Variants in DMD observed in about 807,000 individuals in gnomAD.
DMD encodes mutant dystrophin.
In DMD, 63 loss-of-function variants were observed where a neutral mutation model predicts 330.1. The ratio of observed to expected loss-of-function variants is 0.19; its 90% CI spans 0.16 to 0.24. The LOEUF (loss-of-function observed/expected upper bound fraction) is 0.24, where lower values mean the gene tolerates loss of function less well. DMD is among the 10% of genes least tolerant of loss of function. The pLI, the probability that DMD is intolerant of heterozygous loss-of-function variation, is 1.00. For synonymous variants in DMD, 1,223 were observed against 959.8 expected, an observed-to-expected ratio of 1.27 and a Z score of -5.07; for missense variants, 3,344 against 2,684.1, an observed-to-expected ratio of 1.25 and a Z score of -5.43.
intron 1 of DMD, among the ~76,000 whole-genome samples, chrX:33,205,100 G>A (rs2148842236): frequency 8.9e-6 from 1 of 112,370 alleles, no homozygotes; most frequent in South Asian, 3.7e-4. Context: ...TCCCGTAAGC[G>A]ATTTTAGTTA....
At chrX:32,770,183 A>G (rs1049433236) in intron 7 of DMD, among the ~76,000 whole-genome samples, 7 of 111,937 alleles carry the variant, frequency 6.3e-5, no homozygotes, top group Non-Finnish European at 1.1e-4. Flanking sequence ...TATTAACAAG[A>G]GAATGACATG....
intron 1 of DMD, among the ~76,000 whole-genome samples, chrX:33,057,010 G>A (rs2094525881): frequency 9.0e-6 from 1 of 111,388 alleles, no homozygotes; most frequent in Non-Finnish European, 1.9e-5. Flanking sequence ...AAGGCTGAGA[G>A]CAATGGCAAC....
chrX:33,028,704 CCTT>C (rs1362824621), intron 1 of DMD, among the ~76,000 whole-genome samples: 1 of 112,351 alleles, frequency 8.9e-6, no homozygotes, highest in Non-Finnish European at 1.9e-5. Context: ...ATCAATCAAT[CCTT>C]CTGATATATA....
chrX:32,263,667 C>T (rs904106379), intron 43 of DMD, among the ~76,000 whole-genome samples: 3 of 111,722 alleles, frequency 2.7e-5, no homozygotes, highest in Admixed American at 1.9e-4. Context: ...TTTTCACTAT[C>T]TAAAGACATG....
rs760586686 is a variant in DMD at position 32,574,434 on chromosome X, T to A, written c.1603-588A>T. Among the ~76,000 whole-genome samples, 14 of 112,106 alleles carry A rather than the reference T, an allele frequency of 1.2e-4. No homozygotes were observed. In the South Asian group the frequency reaches 1.5e-3, roughly 12 times the overall value. ...AAACTAACAATCTCTGAGTAAAAAC[T>A]ACTATATCATTAACATGTCACTAAT... On this transcript the variant is annotated intron_variant, in intron 13 of 78. Transcript: ENST00000357033.
intron 44 of DMD, among the ~76,000 whole-genome samples, chrX:32,042,190 T>C (rs4829240): frequency 0.06 from 5,003 of 82,918 alleles, 378 homozygotes; most frequent in African/African-American, 0.21. Flanking sequence ...TACATACATA[T>C]ACACACACAC....
intron 56 of DMD, among the ~76,000 whole-genome samples, chrX:31,499,044 TG>T: frequency 8.9e-6 from 1 of 111,758 alleles, no homozygotes; most frequent in South Asian, 3.8e-4. Flanking sequence ...ATTCACAGCT[TG>T]GTCCCTTTGA....
intron 51 of DMD, among the ~76,000 whole-genome samples, chrX:31,766,902 T>TGTGTGTGTGTGTG (rs58442587): frequency 2.7e-5 from 3 of 110,309 alleles, no homozygotes; most frequent in Admixed American, 9.7e-5. Context: ...TGTGTGTGTG[T>TGTGTGTGTGTGTG]TTGCAACTCT....
rs140726722 is a variant in DMD at position 33,179,201 on chromosome X, T to C, written c.31+32081A>G. Among the ~76,000 whole-genome samples the C allele has an allele frequency of 3.5e-3, 393 of 111,724 alleles. 3 individuals are homozygous for C. Among genetic ancestry groups the C allele is most frequent in the African/African-American group, 0.012 (368 of 30,737 alleles). The stretch of plus-strand genomic sequence containing the variant: ...CAGATTTGAAATCAGATGACAAACA[T>C]GTACTTTCAAAGCATGAACATTTGA... On this transcript the variant is annotated intron_variant, in intron 1 of 78. Coordinates refer to ENST00000357033, the MANE Select transcript of DMD (RefSeq NM_004006.3).
chrX:31,592,522 T>A (rs1228058223), intron 55 of DMD, among the ~76,000 whole-genome samples: 2 of 105,433 alleles, frequency 1.9e-5, no homozygotes, highest in Non-Finnish European at 3.9e-5. Flanking sequence ...GAAAAGTGTC[T>A]CACACACACA....
chrX:33,231,928 C>G (rs190519632), intron 1 of DMD, among the ~76,000 whole-genome samples: 169 of 111,114 alleles, frequency 1.5e-3, no homozygotes, highest in African/African-American at 5.3e-3. Flanking sequence ...GACTACTCGG[C>G]AAGGGAGCTA....
chrX:32,754,162 C>A (rs1258016374), intron 7 of DMD, among the ~76,000 whole-genome samples: 1 of 98,679 alleles, frequency 1.0e-5, no homozygotes, highest in East Asian at 2.8e-4. Context: ...TACCAAGCAC[C>A]TTTTTAAATA....
At chrX:31,603,985 G>C (rs956733882) in intron 55 of DMD, among the ~76,000 whole-genome samples, 7 of 112,290 alleles carry the variant, frequency 6.2e-5, no homozygotes, top group Non-Finnish European at 1.1e-4. Context: ...CCCTTCCTGG[G>C]AAATGCTGAC....
At chrX:32,144,918 C>T (rs1569546771) in intron 44 of DMD, among the ~76,000 whole-genome samples, 1 of 110,605 alleles carries the variant, frequency 9.0e-6, no homozygotes, top group Non-Finnish European at 1.9e-5. Flanking sequence ...TCTGTAATCC[C>T]AGCTACTAGG....
Position 31,348,459 on chromosome X carries a change from A to G in DMD, c.9163+97T>C, listed in dbSNP as rs559035339. On this transcript the variant is annotated intron_variant, in intron 61 of 78. Coordinates refer to ENST00000357033, the MANE Select transcript of DMD (RefSeq NM_004006.3). Reference sequence around the variant, plus strand: ...CTTCTACTGCATCTGATAAAAGATTACTATAATTCAACTCTTAATTCTTTT... The same window carrying G: ...CTTCTACTGCATCTGATAAAAGATTGCTATAATTCAACTCTTAATTCTTTT... 2.4e-4 allele frequency: 177 copies of G among 741,384 alleles called. No individual in the cohort carries two copies. The East Asian group carries it at 6.2e-3, about 26-fold the overall frequency. The allele number at this position is 741,384 out of a possible 1,213,427, so 61.1% of individuals were successfully genotyped here. A position where few individuals can be genotyped will look rare whatever the true frequency, so the allele number is the denominator to read the frequency against.
chrX:31,745,019 A>C (rs757817323), intron 51 of DMD, among the ~76,000 whole-genome samples: 180 of 111,798 alleles, frequency 1.6e-3, no homozygotes, highest in Middle Eastern at 4.6e-3. Flanking sequence ...TGTAAATGAC[A>C]AACGTAATAG....
At chrX:31,572,178 A>T in intron 55 of DMD, among the ~76,000 whole-genome samples, 1 of 112,321 alleles carries the variant, frequency 8.9e-6, no homozygotes, top group Non-Finnish European at 1.9e-5. Flanking sequence ...TTAAAAAATA[A>T]AAATAAAAGT....
At chrX:32,471,294 A>C (rs769353701) in intron 22 of DMD, among the ~76,000 whole-genome samples, 2 of 112,119 alleles carry the variant, frequency 1.8e-5, no homozygotes, top group Non-Finnish European at 3.8e-5. Context: ...AAAATAAAGT[A>C]GGAAAAGTAT....
rs1196712871 is a variant in DMD, at chrX:31,121,777, C to T, written c.*142G>A. 5.7e-6 allele frequency: 5 copies of T among 872,785 alleles called. No individual in the cohort carries two copies. In the African/African-American group the frequency reaches 5.9e-5, roughly 10 times the overall value. The allele number at this position is 872,785 out of a possible 1,213,427, so 71.9% of individuals were successfully genotyped here. A position where few individuals can be genotyped will look rare whatever the true frequency, so the allele number is the denominator to read the frequency against. ...TCTTGTAAACTCTTACTGTCTAATCCTCTTTGTTGTATGAATATTATAAAA... is the reference window on the plus strand; with the variant it reads ...TCTTGTAAACTCTTACTGTCTAATCTTCTTTGTTGTATGAATATTATAAAA... On this transcript the variant is annotated 3_prime_UTR_variant, in exon 79 of 79. Transcript: ENST00000357033.
Sources: allele counts gnomAD v4.1 joint callset (sites outside exome capture counted in the v4.1 genomes callset), GRCh38; gene constraint gnomAD v4.1.1; transcripts MANE v1.5; gene names NCBI Gene and HGNC (gene_info 2026-07-23, HGNC 2026-07-21).